GIN1: variants seen among roughly 807,000 people sequenced by gnomAD.
GIN1 encodes gypsy retrotransposon integrase-like protein 1.
A neutral mutation model predicts 51.4 loss-of-function variants in GIN1; 41 were observed. The ratio of observed to expected loss-of-function variants is 0.80; its 90% CI spans 0.62 to 1.04. The LOEUF (loss-of-function observed/expected upper bound fraction) is 1.04. Among genes scored for constraint, GIN1 ranks in the 50% least tolerant of loss-of-function variants. The probability of loss-of-function intolerance (pLI) is 0.00; values close to 1 mark genes in which losing one functional copy is unlikely to be tolerated. For synonymous variants in GIN1, 222 were observed against 206.5 expected (o/e 1.07, Z -0.64); for missense variants, 610 against 612.4 (o/e 1.00, Z 0.04).
At position 103,097,417 on chromosome 5, in the gene GIN1, A is replaced by G; in HGVS notation, c.905T>C (p.Leu302Pro). Residue 302 changes from leucine (L) to proline (P), a missense_variant, in exon 6 of 8, where the codon CTT becomes CCT. Physicochemically the swap from Leu to Pro is moderately conservative, Grantham distance 98. Coordinates refer to ENST00000399004, the MANE Select transcript of GIN1 (RefSeq NM_017676.2). ...TGTATTATCACCATCCACTTCATGA[A>G]GACTATCTGAAGTCTCAGGCATATA... is the stretch of plus-strand genomic sequence containing the variant. The part of the protein sequence containing the change: ...NPYMPETSDS[L>P]HEVDGDNTSM... The G allele has an allele frequency of 1.9e-6, 3 of 1,576,248 alleles. No homozygotes were observed. Among genetic ancestry groups the G allele is most frequent in the Non-Finnish European group, 2.6e-6 (3 of 1,145,896 alleles).
intron 7 of GIN1, 97 bp from the exon 8 acceptor site, chr5:103,088,269 T>C (rs1312502068): frequency 1.5e-6 from 1 of 652,846 alleles, no homozygotes; most frequent in African/African-American, 1.9e-5. Context: ...TCCCAAGTAA[T>C]AAAAATTAAC....
chr5:103,092,196 C>T (rs909337473), intron 7 of GIN1, among the ~76,000 whole-genome samples: 9 of 151,898 alleles, frequency 5.9e-5, no homozygotes, highest in East Asian at 1.9e-4. Flanking sequence ...TTTGTAGGGA[C>T]GGGGTTTCAC....
At position 103,096,568 on chromosome 5, in the gene GIN1, G is replaced by A; in HGVS notation, c.1267C>T (p.Pro423Ser). The A allele has an allele frequency of 6.2e-7, 1 of 1,612,874 alleles. No homozygotes were observed. The highest frequency in any genetic ancestry group is 8.5e-7 in the Non-Finnish European group (1 of 1,179,044). Residue 423 changes from proline (P) to serine (S), a missense_variant, in exon 7 of 8, where the codon CCC becomes TCC. Physicochemically the swap from Pro to Ser is moderately conservative, Grantham distance 74. Coordinates refer to ENST00000399004, the MANE Select transcript of GIN1 (RefSeq NM_017676.2). ...TGTTCACTGGATTCTCTTATGTAGG[G>A]CTTAAGGTGGGACATTTTGATAGGT... ...KRPIKMSHLKPYIRESSEQES... is the reference protein window; with the variant it reads ...KRPIKMSHLKSYIRESSEQES...
chr5:103,088,162 A>G lies in GIN1; in HGVS notation c.1305T>C (p.Tyr435=). Reference sequence around the variant, plus strand: ...CTGCCACTACTGAACCTTGCAAGAGATAAAGACTTTCTGAAAAAAGAAAAA... The same window carrying G: ...CTGCCACTACTGAACCTTGCAAGAGGTAAAGACTTTCTGAAAAAAGAAAAA... ...IRESSEQESL[Y]LLQGSVVADH... The change falls in exon 8 of 8, where the codon TAT becomes TAC. Residue 435 remains tyrosine (Y), a synonymous_variant. Transcript: ENST00000399004. 6.7e-7 allele frequency: 1 copy of G among 1,500,472 alleles called. No individual in the cohort carries two copies. Among genetic ancestry groups the G allele is most frequent in the Non-Finnish European group, 8.9e-7 (1 of 1,119,862 alleles). 92.9% of individuals were successfully genotyped at this position (1,500,472 alleles called of 1,614,324 possible). A position where few individuals can be genotyped will look rare whatever the true frequency, so the allele number is the denominator to read the frequency against.
At chr5:103,112,867 TTAAA>T (rs1245153881) in intron 1 of GIN1, among the ~76,000 whole-genome samples, 2 of 151,874 alleles carry the variant, frequency 1.3e-5, no homozygotes, top group Non-Finnish European at 2.9e-5. Context: ...TAATACAAAG[TTAAA>T]TAAAATGAAA....
intron 4 of GIN1, among the ~76,000 whole-genome samples, chr5:103,103,838 G>A (rs1318546220): frequency 2.0e-5 from 3 of 152,090 alleles, no homozygotes; most frequent in Non-Finnish European, 4.4e-5. Context: ...TGCCCAGATT[G>A]AAGTGCAGTG....
intron 4 of GIN1, among the ~76,000 whole-genome samples, chr5:103,100,549 G>A (rs1052526100): frequency 4.0e-5 from 6 of 151,802 alleles, no homozygotes; most frequent in African/African-American, 1.5e-4. Context: ...GCAACACCAC[G>A]TCCAGTTAAT....
chr5:103,096,575 G>A lies in GIN1; in HGVS notation c.1260C>T (p.His420=), dbSNP rs782534926. Residue 420 remains histidine, a synonymous_variant, in exon 7 of 8, where the codon CAC becomes CAT. Coordinates refer to ENST00000399004, the MANE Select transcript of GIN1 (RefSeq NM_017676.2). ...VRLKRPIKMS[H]LKPYIRESSE... is the part of the protein sequence containing the mutation. The stretch of plus-strand genomic sequence containing the variant: ...TGGATTCTCTTATGTAGGGCTTAAG[G>A]TGGGACATTTTGATAGGTCTTTTCA... 1.2e-6 allele frequency: 2 copies of A among 1,613,240 alleles called. No homozygotes were observed. Among genetic ancestry groups the A allele is most frequent in the East Asian group, 4.5e-5 (2 of 44,876 alleles).
chr5:103,088,211 AT>A (rs1554194166), intron 7 of GIN1, 39 bp from the exon 8 acceptor site: 1 of 1,178,156 alleles, frequency 8.5e-7, no homozygotes. Flanking sequence ...TTTTAGAATT[AT>A]AATTAAACAT....
chr5:103,119,144 C>T (rs963743528), intron 1 of GIN1, among the ~76,000 whole-genome samples: 1 of 152,108 alleles, frequency 6.6e-6, no homozygotes, highest in Non-Finnish European at 1.5e-5. Flanking sequence ...TAAAGTAAGG[C>T]AGTTAGGTAT....
At chr5:103,109,702 A>G (rs1284309285) in intron 1 of GIN1, among the ~76,000 whole-genome samples, 1 of 152,182 alleles carries the variant, frequency 6.6e-6, no homozygotes, top group Non-Finnish European at 1.5e-5. Flanking sequence ...GTTTGTTCTA[A>G]GTTTAATTCA....
At chr5:103,105,892 TG>T (rs542975775) in intron 3 of GIN1, among the ~76,000 whole-genome samples, 50 of 152,322 alleles carry the variant, frequency 3.3e-4, no homozygotes, top group African/African-American at 1.2e-3. Flanking sequence ...AAGATTTCAC[TG>T]AATGTTTGTA....
At chr5:103,088,440 G>T (rs1787141422) in intron 7 of GIN1, among the ~76,000 whole-genome samples, 1 of 152,124 alleles carries the variant, frequency 6.6e-6, no homozygotes, top group South Asian at 2.1e-4. Context: ...GTCTTTGGTA[G>T]ATATGTATAT....
At chr5:103,093,043 C>T (rs1002784860) in intron 7 of GIN1, among the ~76,000 whole-genome samples, 23 of 148,140 alleles carry the variant, frequency 1.6e-4, no homozygotes, top group Admixed American at 2.0e-4. Flanking sequence ...ACTATATTAA[C>T]GTCAAGATCA....
intron 4 of GIN1, among the ~76,000 whole-genome samples, chr5:103,098,783 G>T (rs1301815083): frequency 6.6e-6 from 1 of 152,062 alleles, no homozygotes; most frequent in Non-Finnish European, 1.5e-5. Flanking sequence ...TAATTCAGTA[G>T]ACAGTGTCTC....
chr5:103,104,510 C>A lies in GIN1; in HGVS notation c.639+31G>T, dbSNP rs782261027. On this transcript the variant is annotated intron_variant, in intron 4 of 7. Transcript: ENST00000399004. The stretch of plus-strand genomic sequence containing the variant: ...GGACACTGAAAAGAAGTAAGATATG[C>A]TCCCAGACCTAAGTAGTTTATTTGT... The A allele has an allele frequency of 1.2e-5, 13 of 1,092,408 alleles. No individual in the cohort carries two copies. In the East Asian group the frequency reaches 3.1e-4, roughly 26 times the overall value. The allele number at this position is 1,092,408 out of a possible 1,614,324, so 67.7% of individuals were successfully genotyped here.
rs1787424876 is a variant in GIN1 at position 103,097,228 on chromosome 5, T to C, written c.1008+86A>G. 3 of 768,596 alleles carry C rather than the reference T, an allele frequency of 3.9e-6. No homozygotes were observed. In the South Asian group the frequency reaches 4.9e-5, roughly 13 times the overall value. The allele number at this position is 768,596 out of a possible 1,614,324, so 47.6% of individuals were successfully genotyped here. ...AAGTAAGTATGTGTGTGTGTGTGCA[T>C]GCACACATGTATATGCTGAAATTTT... On this transcript the variant is annotated intron_variant, in intron 6 of 7. Coordinates refer to ENST00000399004, the MANE Select transcript of GIN1 (RefSeq NM_017676.2).
chr5:103,107,029 T>C (rs1277990975), intron 2 of GIN1, 120 bp from the exon 3 acceptor site: 1 of 587,380 alleles, frequency 1.7e-6, no homozygotes, highest in African/African-American at 1.9e-5. Context: ...AAAATCTTAC[T>C]GCATTTAAAA....
Position 103,108,678 on chromosome 5 carries a change from A to G in GIN1, c.30T>C (p.Leu10=). The stretch of plus-strand genomic sequence containing the variant: ...TGTAATATGCAATCTGTTTAAGATG[A>G]AGGTCACCATTTTTTCCACTACGGA... MVRSGKNGD[L]HLKQIAYYKR... is the part of the protein sequence containing the mutation. Residue 10 remains leucine, a synonymous_variant, in exon 2 of 8, where the codon CTT becomes CTC. Transcript: ENST00000399004. The G allele has an allele frequency of 6.2e-7, 1 of 1,603,542 alleles. No homozygotes were observed.
Sources: gnomAD v4.1 joint callset for allele counts (sites outside exome capture counted in the v4.1 genomes callset) on GRCh38, gnomAD v4.1.1 for gene constraint, MANE v1.5 for transcripts, NCBI Gene and HGNC (gene_info 2026-07-23, HGNC 2026-07-21) for gene names.